The following TNS3 variants were observed in gnomAD, a reference collection of about 807,000 sequenced individuals.
TNS3 encodes tensin 3.
A neutral mutation model predicts 140.9 loss-of-function variants in TNS3; 45 were observed. The ratio of observed to expected loss-of-function variants is 0.32; its 90% CI spans 0.25 to 0.41. The LOEUF (loss-of-function observed/expected upper bound fraction) is 0.41. Ranked by LOEUF, TNS3 falls within the 10% of genes least tolerant of loss-of-function variation. The pLI, the probability that TNS3 is intolerant of heterozygous loss-of-function variation, is 1.00. For missense variants in TNS3, 1,716 were observed against 1,906.7 expected (o/e 0.90, Z 1.86); for synonymous variants, 815 against 788.4 (o/e 1.03, Z -0.56).
intron 12 of TNS3, 141 bp downstream of exon 12, chr7:47,413,796 T>C (rs1426171533): frequency 3.9e-6 from 4 of 1,016,834 alleles, no homozygotes; most frequent in Non-Finnish European, 5.8e-6. Context: ...TTTTCCCCAC[T>C]GGACTCTTCT....
chr7:47,526,041 C>T (rs1799180060), intron 2 of TNS3, among the ~76,000 whole-genome samples: 2 of 152,318 alleles, frequency 1.3e-5, no homozygotes, highest in South Asian at 2.1e-4. Context: ...AGACAGGCTC[C>T]CCGCCGTCCA....
chr7:47,469,504 G>T (rs1043173540), intron 4 of TNS3, among the ~76,000 whole-genome samples: 1 of 152,154 alleles, frequency 6.6e-6, no homozygotes, highest in Non-Finnish European at 1.5e-5. Context: ...ATTTCTCAAA[G>T]AACTTAAAAC....
intron 1 of TNS3, among the ~76,000 whole-genome samples, chr7:47,565,663 G>A (rs1464299163): frequency 1.3e-5 from 2 of 152,176 alleles, no homozygotes; most frequent in Admixed American, 6.5e-5. Flanking sequence ...GAGTCACTAC[G>A]CTTGGCCAGT....
chr7:47,368,304 C>T, intron 17 of TNS3, 61 bp downstream of exon 17: 1 of 1,396,828 alleles, frequency 7.2e-7, no homozygotes, highest in Non-Finnish European at 9.3e-7. Context: ...GATTTCTCAT[C>T]ACACATTAGC....
chr7:47,328,520 CT>C (rs778898835), intron 20 of TNS3, among the ~76,000 whole-genome samples: 13 of 152,184 alleles, frequency 8.5e-5, no homozygotes, highest in Non-Finnish European at 1.9e-4. Context: ...CCCCATTCCC[CT>C]GGGACCCCAC....
chr7:47,431,162 G>T (rs1312180923), intron 8 of TNS3, among the ~76,000 whole-genome samples: 10 of 152,210 alleles, frequency 6.6e-5, no homozygotes, highest in Admixed American at 6.5e-4. Context: ...TCAGAAGAGA[G>T]ATTTAGAAAT....
rs1243117835 is a variant in TNS3 at position 47,304,901 on chromosome 7, G to A, written c.2753C>T (p.Pro918Leu). The change falls in exon 21 of 31, where the codon CCC becomes CTC. Residue 918 changes from proline (P) to leucine (L), a missense_variant. Transcript: ENST00000311160. Reference protein sequence around the residue: ...TMLRADASSTPSFQQAFASSC... With the variant: ...TMLRADASSTLSFQQAFASSC... ...AGAAGCAAAAGCCTGCTGAAAGGAG[G>A]GCGTCGAGGACGCATCAGCCCGGAG... 2.1e-6 allele frequency: 3 copies of A among 1,426,056 alleles called. No individual in the cohort carries two copies. The highest frequency in any genetic ancestry group is 2.8e-6 in the Non-Finnish European group (3 of 1,076,848). The allele number at this position is 1,426,056 out of a possible 1,614,324, so 88.3% of individuals were successfully genotyped here.
At chr7:47,290,760 G>A (rs920628372) in intron 27 of TNS3, among the ~76,000 whole-genome samples, 3 of 152,178 alleles carry the variant, frequency 2.0e-5, no homozygotes, top group Non-Finnish European at 2.9e-5. Context: ...CAGCCACATT[G>A]GAAGACAGTT....
chr7:47,545,588 G>A (rs1584842256), intron 1 of TNS3, among the ~76,000 whole-genome samples: 1 of 152,180 alleles, frequency 6.6e-6, no homozygotes, highest in African/African-American at 2.4e-5. Flanking sequence ...CCCTTGGGGG[G>A]CTCCCATGGG....
chr7:47,400,409 C>T lies in TNS3; in HGVS notation c.903G>A (p.Thr301=), dbSNP rs185628192. ...GCTACCCACCTTGAATCTTCTCAGG[C>T]GTGGCAGAGAAGACTAATTCAACCT... The part of the protein sequence containing the change: ...YGKVELVFSA[T]PEKIQGSEHL... Residue 301 remains threonine, a synonymous_variant, in exon 15 of 31, where the codon ACG becomes ACA. Coordinates refer to ENST00000311160, the MANE Select transcript of TNS3 (RefSeq NM_022748.12). 1.4e-4 allele frequency: 232 copies of T among 1,614,090 alleles called. No homozygotes were observed. In the Middle Eastern group the frequency reaches 1.6e-3, roughly 11 times the overall value.
At chr7:47,422,682 G>T (rs541078452) in intron 10 of TNS3, among the ~76,000 whole-genome samples, 1 of 151,860 alleles carries the variant, frequency 6.6e-6, no homozygotes, top group Admixed American at 6.6e-5. Flanking sequence ...TTCTTTTAAT[G>T]TTATAAACAA....
chr7:47,328,708 G>C (rs906861891), intron 20 of TNS3, among the ~76,000 whole-genome samples: 2 of 152,202 alleles, frequency 1.3e-5, no homozygotes, highest in African/African-American at 4.8e-5. Context: ...CTGGCCACCA[G>C]GCTGGAAGCC....
chr7:47,381,310 A>G (rs1791744917), intron 16 of TNS3, among the ~76,000 whole-genome samples: 1 of 152,222 alleles, frequency 6.6e-6, no homozygotes, highest in Non-Finnish European at 1.5e-5. Flanking sequence ...CTAAGAGTAC[A>G]GCGTGAATGT....
Position 47,368,601 on chromosome 7 carries a change from A to G in TNS3, c.2045T>C (p.Leu682Pro). The change falls in exon 17 of 31, where the codon CTG becomes CCG. Residue 682 changes from leucine (L) to proline (P), a missense_variant. Physicochemically the swap from Leu to Pro is moderately conservative, Grantham distance 98. Around this residue, in one of 3 missense-constraint regions of TNS3, gnomAD observed 1,163 missense variants for 1,182.1 expected, o/e 0.98. Transcript: ENST00000311160. ...DQVVNGAGPE[L>P]STGPSPGSPT... ...CGAGCCTGGGGAGGGGCCTGTGCTC[A>G]GCTCTGGGCCGGCTCCATTCACAAC... 1 of 1,579,894 alleles carries G rather than the reference A, an allele frequency of 6.3e-7. No homozygotes were observed. Among genetic ancestry groups the G allele is most frequent in the Non-Finnish European group, 8.6e-7 (1 of 1,162,460 alleles).
At chr7:47,435,246 A>T (rs371971391) in intron 8 of TNS3, 36 bp downstream of exon 8, 9 of 1,611,746 alleles carry the variant, frequency 5.6e-6, no homozygotes, top group Non-Finnish European at 7.6e-6. Context: ...GCTGAAGCCC[A>T]GCCAGACCCC....
At chr7:47,525,223 G>C (rs867630634) in intron 2 of TNS3, among the ~76,000 whole-genome samples, 1 of 152,110 alleles carries the variant, frequency 6.6e-6, no homozygotes, top group Admixed American at 6.5e-5. Context: ...GACGCTCTAG[G>C]TGTCTCGCTG....
chr7:47,393,392 G>C (rs888752758), intron 16 of TNS3, among the ~76,000 whole-genome samples: 1 of 152,152 alleles, frequency 6.6e-6, no homozygotes, highest in Middle Eastern at 3.2e-3. Flanking sequence ...TTGAGGAAAG[G>C]CTCCGTGCTT....
chr7:47,413,795 C>T, intron 12 of TNS3, 142 bp downstream of exon 12: 1 of 1,012,132 alleles, frequency 9.9e-7, no homozygotes, highest in Non-Finnish European at 1.4e-6. Context: ...ATTTTCCCCA[C>T]TGGACTCTTC....
At chr7:47,462,236 G>A (rs576489088) in intron 4 of TNS3, among the ~76,000 whole-genome samples, 182 of 152,204 alleles carry the variant, frequency 1.2e-3, no homozygotes, top group African/African-American at 3.7e-3. Flanking sequence ...GACCCTCCTC[G>A]TTGCCCCTGT....
Sources: gnomAD v4.1 joint callset for allele counts (sites outside exome capture counted in the v4.1 genomes callset) on GRCh38, gnomAD v4.1.1 for gene constraint, gnomAD v4.1.1 regional missense constraint, MANE v1.5 for transcripts, NCBI Gene and HGNC (gene_info 2026-07-23, HGNC 2026-07-21) for gene names.